MTMR2: variants seen among roughly 807,000 people sequenced by gnomAD.
The protein encoded by MTMR2 is myotubularin related protein 2.
In MTMR2, 55 loss-of-function variants were observed where a neutral mutation model predicts 86.9. The observed-to-expected ratio is 0.63, with a 90% confidence interval of 0.51 to 0.79. MTMR2 has a LOEUF of 0.79. Among genes scored for constraint, MTMR2 ranks in the 30% least tolerant of loss-of-function variants. MTMR2 has a pLI of 0.00. For synonymous variants in MTMR2, 241 were observed against 266.8 expected, an observed-to-expected ratio of 0.90 and a Z score of 0.94; for missense variants, 659 against 772.3, an observed-to-expected ratio of 0.85 and a Z score of 1.74.
chr11:95,863,108 G>T (rs79988289), intron 3 of MTMR2, among the ~76,000 whole-genome samples: 5,597 of 152,182 alleles, frequency 0.037, 155 homozygotes, highest in Middle Eastern at 0.092. Context: ...AAATGCCACA[G>T]TTCATAATTT....
At chr11:95,901,644 T>C (rs78458933) in intron 1 of MTMR2, among the ~76,000 whole-genome samples, 1,736 of 152,292 alleles carry the variant, frequency 0.011, 14 homozygotes, top group Non-Finnish European at 0.019. Flanking sequence ...CTCATATTGC[T>C]TCTGATAAGG....
chr11:95,885,630 A>C (rs1362874317), intron 2 of MTMR2, among the ~76,000 whole-genome samples: 1 of 152,164 alleles, frequency 6.6e-6, no homozygotes, highest in Non-Finnish European at 1.5e-5. Flanking sequence ...TAAAAGATTA[A>C]ACAAATCAAT....
chr11:95,899,576 G>A (rs189945857), intron 1 of MTMR2, among the ~76,000 whole-genome samples: 11 of 151,688 alleles, frequency 7.3e-5, no homozygotes, highest in Admixed American at 6.6e-4. Flanking sequence ...CCTCATGGGA[G>A]AGATAGACTC....
chr11:95,923,569 A>G, intron 1 of MTMR2: 3 of 893,756 alleles, frequency 3.4e-6, no homozygotes, highest in Non-Finnish European at 4.5e-6. Flanking sequence ...ACTGTCTTAA[A>G]AAAGGTTTGA....
chr11:95,849,236 G>T (rs1863919811), intron 9 of MTMR2, among the ~76,000 whole-genome samples: 1 of 151,992 alleles, frequency 6.6e-6, no homozygotes, highest in Non-Finnish European at 1.5e-5. Context: ...AACTTGTTCA[G>T]GTGGAGGACG....
chr11:95,896,302 G>GATT (rs1865879506), intron 1 of MTMR2, among the ~76,000 whole-genome samples: 1 of 151,376 alleles, frequency 6.6e-6, no homozygotes, highest in Admixed American at 6.6e-5. Flanking sequence ...TTTGATTAAT[G>GATT]ATTTTTTTTT....
At chr11:95,847,274 A>G (rs1863831256) in intron 10 of MTMR2, among the ~76,000 whole-genome samples, 2 of 152,192 alleles carry the variant, frequency 1.3e-5, no homozygotes, top group Non-Finnish European at 2.9e-5. Context: ...GAGGACAAAA[A>G]AATATATGTA....
intron 1 of MTMR2, among the ~76,000 whole-genome samples, chr11:95,898,375 T>C (rs1188805520): frequency 6.6e-6 from 1 of 152,128 alleles, no homozygotes; most frequent in African/African-American, 2.4e-5. Context: ...ATGCCTTTTT[T>C]AGTGCCTACA....
At chr11:95,848,885 G>A (rs1227679915) in intron 9 of MTMR2, among the ~76,000 whole-genome samples, 1 of 152,128 alleles carries the variant, frequency 6.6e-6, no homozygotes, top group East Asian at 1.9e-4. Context: ...GTGGGAATAA[G>A]ACAGGAACTT....
intron 2 of MTMR2, among the ~76,000 whole-genome samples, chr11:95,872,428 G>A (rs1247842346): frequency 6.6e-6 from 1 of 152,170 alleles, no homozygotes; most frequent in Non-Finnish European, 1.5e-5. Context: ...TGTTATTGGT[G>A]TATAAGAATG....
intron 5 of MTMR2, 93 bp from the exon 6 acceptor site, chr11:95,858,725 G>T: frequency 1.2e-6 from 1 of 855,280 alleles, no homozygotes; most frequent in Non-Finnish European, 1.9e-6. Flanking sequence ...AAAATGTTAA[G>T]ATCTGTGAAT....
At position 95,920,979 on chromosome 11, in the gene MTMR2, A is replaced by C. The variant is rs568702889; in HGVS notation, c.80+2896T>G. Among the ~76,000 whole-genome samples, 14 of 152,366 alleles carry C rather than the reference A, an allele frequency of 9.2e-5. No homozygotes were observed. The East Asian group carries it at 2.5e-3, about 27-fold the overall frequency. ...CCTTCCTACTTCCCAAAAGGGCTTC[A>C]GACATCTAATCAATACATTTAAACA... On this transcript the variant is annotated intron_variant, in intron 1 of 14. Transcript: ENST00000346299.
chr11:95,872,280 A>G (rs1418771007), intron 2 of MTMR2, among the ~76,000 whole-genome samples: 2 of 151,390 alleles, frequency 1.3e-5, no homozygotes, highest in Non-Finnish European at 3.0e-5. Context: ...ATTTGTTTGT[A>G]TCCTCTTTTA....
chr11:95,918,161 T>G (rs983104526), intron 1 of MTMR2, among the ~76,000 whole-genome samples: 1 of 152,246 alleles, frequency 6.6e-6, no homozygotes, highest in Non-Finnish European at 1.5e-5. Context: ...TAACTAATGT[T>G]GATTGCATTA....
chr11:95,876,715 C>T (rs947359897), intron 2 of MTMR2, among the ~76,000 whole-genome samples: 12 of 151,998 alleles, frequency 7.9e-5, no homozygotes, highest in African/African-American at 2.9e-4. Flanking sequence ...CCTCCCTTCC[C>T]AGCCCTGATT....
rs1287357314 is a variant in MTMR2 at position 95,834,258 on chromosome 11, G to A, written c.*1032C>T. The A allele has an allele frequency of 6.6e-6, 1 of 152,480 alleles. No individual in the cohort carries two copies. The highest frequency in any genetic ancestry group is 1.5e-5 in the Non-Finnish European group (1 of 67,974). The allele number at this position is 152,480 out of a possible 1,614,324, so 9.4% of individuals were successfully genotyped here. On this transcript the variant is annotated 3_prime_UTR_variant, in exon 15 of 15. Transcript: ENST00000346299. ...TTGTAGCAGGTGAACAGTGAAGCAAGATTTCTTTTACTGGCTTTGAGATTG... is the reference window on the plus strand; with the variant it reads ...TTGTAGCAGGTGAACAGTGAAGCAAAATTTCTTTTACTGGCTTTGAGATTG...
At chr11:95,855,584 T>C (rs1864180994) in intron 7 of MTMR2, among the ~76,000 whole-genome samples, 1 of 152,184 alleles carries the variant, frequency 6.6e-6, no homozygotes, top group Admixed American at 6.5e-5. Flanking sequence ...TAGTCTAATT[T>C]CTTTTAAGAC....
intron 8 of MTMR2, 105 bp downstream of exon 8, chr11:95,850,495 C>T: frequency 1.7e-6 from 2 of 1,160,564 alleles, no homozygotes; most frequent in East Asian, 2.3e-5. Flanking sequence ...GAAAGACCTG[C>T]TGCTGTAGCT....
intron 12 of MTMR2, among the ~76,000 whole-genome samples, chr11:95,838,629 T>A (rs945184529): frequency 3.3e-5 from 5 of 152,062 alleles, no homozygotes; most frequent in Non-Finnish European, 7.4e-5. Context: ...CTAAGGCAGA[T>A]AATTTACAAG....
Sources: allele counts gnomAD v4.1 joint callset (sites outside exome capture counted in the v4.1 genomes callset), GRCh38; gene constraint gnomAD v4.1.1; transcripts MANE v1.5; gene names NCBI Gene and HGNC (gene_info 2026-07-23, HGNC 2026-07-21).